The following SH3BGRL variants were observed in gnomAD, a reference collection of about 807,000 sequenced individuals.
The protein encoded by SH3BGRL is SH3 domain binding glutamate rich protein like, also known as adapter SH3BGRL.
SH3BGRL carries 7 observed loss-of-function variants against 9.8 expected under a neutral mutation model. The ratio of observed to expected loss-of-function variants is 0.72; its 90% CI spans 0.41 to 1.35. The LOEUF is 1.35. Ranked by LOEUF, SH3BGRL falls within the 40% of genes most tolerant of loss-of-function variation. The probability of loss-of-function intolerance (pLI) is 0.01; values close to 1 mark genes in which losing one functional copy is unlikely to be tolerated. For synonymous variants in SH3BGRL, 36 were observed against 29.1 expected (o/e 1.24, Z -0.76); for missense variants, 73 against 84.4 (o/e 0.86, Z 0.53).
chrX:81,254,960 G>A lies in SH3BGRL; in HGVS notation c.46-22024G>A, dbSNP rs12690221. 5.6e-4 allele frequency among the ~76,000 whole-genome samples: 59 copies of A among 104,819 alleles called. No homozygotes were observed. The East Asian group carries it at 0.014, about 25-fold the overall frequency. 91.0% of individuals were successfully genotyped at this position (104,819 alleles called of 115,157 possible). ...GGCTGGAGTGCAGTGGCACGATCTC[G>A]GCTCACTGCAACCCTTGCCTCTGGG... On this transcript the variant is annotated intron_variant, in intron 1 of 3. Coordinates refer to ENST00000373212, the MANE Select transcript of SH3BGRL (RefSeq NM_003022.3).
chrX:81,207,401 A>G (rs1483056664), intron 1 of SH3BGRL, among the ~76,000 whole-genome samples: 2 of 112,523 alleles, frequency 1.8e-5, no homozygotes, highest in Non-Finnish European at 3.8e-5. Flanking sequence ...TGTACTCTGC[A>G]CAATTTATAA....
At chrX:81,218,641 C>T (rs1237046795) in intron 1 of SH3BGRL, among the ~76,000 whole-genome samples, 1 of 103,100 alleles carries the variant, frequency 9.7e-6, no homozygotes, top group African/African-American at 3.5e-5. Context: ...TTTTATACAT[C>T]TATATCTATA....
chrX:81,228,891 T>C (rs2075624690), intron 1 of SH3BGRL, among the ~76,000 whole-genome samples: 1 of 112,178 alleles, frequency 8.9e-6, no homozygotes, highest in African/African-American at 3.2e-5. Context: ...CTGTGACATA[T>C]GAGCTATAGC....
Position 81,246,590 on chromosome X carries a change from A to C in SH3BGRL, c.46-30394A>C, listed in dbSNP as rs762664213. Among the ~76,000 whole-genome samples, 3 of 111,591 alleles carry C rather than the reference A, an allele frequency of 2.7e-5. No homozygotes were observed. In the South Asian group the frequency reaches 1.1e-3, roughly 41 times the overall value. On this transcript the variant is annotated intron_variant, in intron 1 of 3. Transcript: ENST00000373212. ...TTCTTTCCAATTGTTTATTTTTCTC[A>C]ACTTTGTCAAAGATCAGATGACTGT...
At chrX:81,296,628 C>T (rs2075875665) in intron 3 of SH3BGRL, among the ~76,000 whole-genome samples, 1 of 111,163 alleles carries the variant, frequency 9.0e-6, no homozygotes, top group Non-Finnish European at 1.9e-5. Context: ...GTCAATCTTG[C>T]CACTCATCTT....
intron 1 of SH3BGRL, among the ~76,000 whole-genome samples, chrX:81,251,023 T>A (rs1342479728): frequency 8.9e-6 from 1 of 112,229 alleles, no homozygotes; most frequent in African/African-American, 3.2e-5. Flanking sequence ...ATCCTGCTGA[T>A]TTTTAATGAA....
intron 1 of SH3BGRL, among the ~76,000 whole-genome samples, chrX:81,258,097 T>C (rs144610102): frequency 0.011 from 1,254 of 111,146 alleles, 19 homozygotes; most frequent in African/African-American, 0.038. Context: ...AGTTCTCCTT[T>C]TTACTGCTGA....
intron 1 of SH3BGRL, among the ~76,000 whole-genome samples, chrX:81,274,778 T>G (rs781078015): frequency 1.8e-5 from 2 of 111,087 alleles, no homozygotes; most frequent in Non-Finnish European, 3.8e-5. Context: ...TATGTGAAAT[T>G]TTGGACTTGA....
chrX:81,238,437 G>A (rs1043381879), intron 1 of SH3BGRL, among the ~76,000 whole-genome samples: 2 of 112,358 alleles, frequency 1.8e-5, no homozygotes, highest in Non-Finnish European at 3.8e-5. Context: ...CAGTAGAAAG[G>A]ACTACATCTT....
At chrX:81,273,103 G>A (rs139094542) in intron 1 of SH3BGRL, among the ~76,000 whole-genome samples, 2,006 of 111,930 alleles carry the variant, frequency 0.018, 19 homozygotes, top group Non-Finnish European at 0.03. Context: ...TCACCTTTGT[G>A]AGCTCAGTTT....
At position 81,205,504 on chromosome X, in the gene SH3BGRL, G is replaced by GTATATA. The variant is rs34834268; in HGVS notation, c.45+3281_45+3286dup. On this transcript the variant is annotated intron_variant, in intron 1 of 3. Coordinates refer to ENST00000373212, the MANE Select transcript of SH3BGRL (RefSeq NM_003022.3). ...TATATATATGTGTGTGTGTGTGTGT[G>GTATATA]TATATATATATATATATATATATAT... 4.7e-3 allele frequency among the ~76,000 whole-genome samples: 397 copies of GTATATA among 85,128 alleles called. 4 individuals are homozygous for GTATATA. Among genetic ancestry groups the GTATATA allele is most frequent in the African/African-American group, 0.015 (322 of 21,784 alleles). The allele number at this position is 85,128 out of a possible 115,157, so 73.9% of individuals were successfully genotyped here.
At chrX:81,213,448 G>C (rs1410793798) in intron 1 of SH3BGRL, among the ~76,000 whole-genome samples, 1 of 112,372 alleles carries the variant, frequency 8.9e-6, no homozygotes, top group Admixed American at 9.4e-5. Flanking sequence ...TAAAAAGATA[G>C]ATGGCATGTT....
At chrX:81,202,398 T>C in intron 1 of SH3BGRL, 153 bp downstream of exon 1, 2 of 1,017,485 alleles carry the variant, frequency 2.0e-6, no homozygotes, top group Non-Finnish European at 2.5e-6. Flanking sequence ...CTTTTTTCCC[T>C]TTGTTGCATC....
At chrX:81,283,950 G>A (rs1602628033) in intron 3 of SH3BGRL, among the ~76,000 whole-genome samples, 1 of 110,760 alleles carries the variant, frequency 9.0e-6, no homozygotes, top group East Asian at 2.8e-4. Flanking sequence ...CTCCCAGAAC[G>A]ATAAAAGAAT....
chrX:81,237,052 A>G, intron 1 of SH3BGRL: 8 of 862,917 alleles, frequency 9.3e-6, no homozygotes, highest in Non-Finnish European at 1.2e-5. Context: ...ATTCCAGTGA[A>G]GGCTATGGTA....
At chrX:81,272,615 A>C (rs1339477717) in intron 1 of SH3BGRL, among the ~76,000 whole-genome samples, 3 of 106,542 alleles carry the variant, frequency 2.8e-5, no homozygotes, top group African/African-American at 6.9e-5. Flanking sequence ...ATTCTCCTGC[A>C]TCAGCCTCCT....
intron 1 of SH3BGRL, among the ~76,000 whole-genome samples, chrX:81,256,558 A>G (rs1243749640): frequency 1.8e-5 from 2 of 111,830 alleles, no homozygotes; most frequent in African/African-American, 6.5e-5. Context: ...AGAAATTTAC[A>G]GTTTCCCAGT....
At chrX:81,278,872 C>T (rs1041379786) in intron 3 of SH3BGRL, among the ~76,000 whole-genome samples, 2 of 111,890 alleles carry the variant, frequency 1.8e-5, no homozygotes, top group African/African-American at 6.5e-5. Flanking sequence ...CTAAATTGCT[C>T]GCCAAATTTG....
At chrX:81,287,944 A>AGAAG (rs760021526) in intron 3 of SH3BGRL, among the ~76,000 whole-genome samples, 34 of 106,552 alleles carry the variant, frequency 3.2e-4, no homozygotes, top group African/African-American at 9.9e-4. Flanking sequence ...AGAAAAAGAA[A>AGAAG]GAAGGAAGGA....
Sources: gnomAD v4.1 joint callset for allele counts (sites outside exome capture counted in the v4.1 genomes callset) on GRCh38, gnomAD v4.1.1 for gene constraint, MANE v1.5 for transcripts, NCBI Gene and HGNC (gene_info 2026-07-23, HGNC 2026-07-21) for gene names.